The following FAP variants were observed in gnomAD, a reference collection of about 807,000 sequenced individuals.
FAP encodes fibroblast activation protein alpha.
FAP carries 110 observed loss-of-function variants against 126.5 expected under a neutral mutation model. The observed-to-expected ratio is 0.87, with a 90% CI of 0.74 to 1.02. The LOEUF (loss-of-function observed/expected upper bound fraction) is 1.02, where lower values mean the gene tolerates loss of function less well. Among genes scored for constraint, FAP ranks in the 50% least tolerant of loss-of-function variants. The pLI is 0.00. For missense variants in FAP, 919 were observed against 909.2 expected (o/e 1.01, Z -0.14); for synonymous variants, 334 against 297.3 (o/e 1.12, Z -1.27).
intron 16 of FAP, among the ~76,000 whole-genome samples, chr2:162,195,756 A>G (rs1688230469): frequency 6.6e-6 from 1 of 152,172 alleles, no homozygotes; most frequent in Non-Finnish European, 1.5e-5. Flanking sequence ...GAAATACAGG[A>G]TCAAATAATG....
chr2:162,189,700 T>A lies in FAP; in HGVS notation c.1505A>T (p.Gln502Leu), dbSNP rs547572967. 6.3e-7 allele frequency: 1 copy of A among 1,594,160 alleles called. No homozygotes were observed. The highest frequency in any genetic ancestry group is 8.6e-7 in the Non-Finnish European group (1 of 1,168,226). ...KELENALKNIQLPKEEIKKLE... is the reference protein window; with the variant it reads ...KELENALKNILLPKEEIKKLE... ...TTTCTTAATTTCCTCTTTAGGCAGC[T>A]GGATATTTTTCAAAGCATTTTCCAA... Residue 502 changes from glutamine (Q) to leucine (L), a missense_variant, in exon 18 of 26, where the codon CAG becomes CTG. Physicochemically the swap from Gln to Leu is moderately radical, Grantham distance 113. Transcript: ENST00000188790.
At chr2:162,198,980 A>T in intron 15 of FAP, 99 bp from the exon 16 acceptor site, 1 of 970,446 alleles carries the variant, frequency 1.0e-6, no homozygotes, top group East Asian at 2.5e-5. Context: ...TATTGACATC[A>T]AACCCACTCT....
chr2:162,220,636 G>A (rs1180605327), intron 6 of FAP, among the ~76,000 whole-genome samples: 1 of 152,180 alleles, frequency 6.6e-6, no homozygotes, highest in South Asian at 2.1e-4. Context: ...AGCTTGTAAA[G>A]TCCTCCACCC....
At chr2:162,227,458 G>A (rs1184860365) in intron 2 of FAP, among the ~76,000 whole-genome samples, 2 of 152,012 alleles carry the variant, frequency 1.3e-5, no homozygotes, top group African/African-American at 4.8e-5. Flanking sequence ...AGATAATAAG[G>A]CAACCAAAGC....
rs1446156842 is a variant in FAP, at chr2:162,224,500, C to T, written c.326G>A (p.Arg109Gln). Residue 109 changes from arginine to glutamine, a missense_variant, in exon 5 of 26, where the codon CGG becomes CAG. Transcript: ENST00000188790. ...ATCACTTTCTAGATATACAAATTGC[C>T]GATCAGGTGATAAGCCGTAATTTGA... ...NASNYGLSPDRQFVYLESDYS... is the reference protein window; with the variant it reads ...NASNYGLSPDQQFVYLESDYS... The T allele has an allele frequency of 3.1e-6, 5 of 1,599,466 alleles. No individual in the cohort carries two copies. Among genetic ancestry groups the T allele is most frequent in the East Asian group, 2.3e-5 (1 of 44,120 alleles).
intron 6 of FAP, among the ~76,000 whole-genome samples, chr2:162,221,354 A>AC (rs1223201040): frequency 1.3e-5 from 2 of 151,730 alleles, no homozygotes; most frequent in Non-Finnish European, 2.9e-5. Context: ...ATATGGAGAA[A>AC]CCCCGTCCCC....
chr2:162,199,157 T>C (rs1279768166), intron 15 of FAP, among the ~76,000 whole-genome samples: 2 of 152,108 alleles, frequency 1.3e-5, no homozygotes, highest in Non-Finnish European at 2.9e-5. Context: ...GGCAGTGAGG[T>C]AGTCACTTCC....
At chr2:162,183,494 G>A in intron 20 of FAP, 26 bp from the exon 21 acceptor site, 1 of 1,417,296 alleles carries the variant, frequency 7.1e-7, no homozygotes, top group Non-Finnish European at 1.0e-6. Flanking sequence ...CAAATTTTTA[G>A]AATGTTAAGT....
At chr2:162,200,238 T>C (rs1471645171) in intron 15 of FAP, among the ~76,000 whole-genome samples, 2 of 152,206 alleles carry the variant, frequency 1.3e-5, no homozygotes, top group African/African-American at 4.8e-5. Flanking sequence ...TGGTTCATAC[T>C]AGGTACTCAA....
chr2:162,199,836 T>C (rs1274601737), intron 15 of FAP, among the ~76,000 whole-genome samples: 1 of 152,282 alleles, frequency 6.6e-6, no homozygotes, highest in East Asian at 1.9e-4. Context: ...ATTTCTTATT[T>C]CCTCTGTTAG....
In FAP at chr2:162,172,865, G is replaced by C. The variant is rs772362774; in HGVS notation, c.2127C>G (p.Asn709Lys). Residue 709 changes from asparagine (N) to lysine (K), a missense_variant, in exon 25 of 26, where the codon AAC (asparagine) becomes AAG (lysine). Transcript: ENST00000188790. Reference protein sequence around the residue: ...GTADDNVHFQNSAQIAKALVN... With the variant: ...GTADDNVHFQKSAQIAKALVN... Reference sequence around the variant, plus strand: ...CCAGAGCTTTAGCAATCTGTGCTGAGTTTTGAAAGTGCACATTATCTGCAA... The same window carrying C: ...CCAGAGCTTTAGCAATCTGTGCTGACTTTTGAAAGTGCACATTATCTGCAA... 3.7e-6 allele frequency: 6 copies of C among 1,612,624 alleles called. No homozygotes were observed. Among genetic ancestry groups the C allele is most frequent in the Non-Finnish European group, 5.1e-6 (6 of 1,178,918 alleles).
At chr2:162,188,931 A>C (rs1687946354) in intron 19 of FAP, among the ~76,000 whole-genome samples, 172 bp downstream of exon 19, 1 of 152,106 alleles carries the variant, frequency 6.6e-6, no homozygotes. Flanking sequence ...AAACTTCCTC[A>C]ATCTATTTTA....
intron 11 of FAP, 107 bp from the exon 12 acceptor site, chr2:162,210,103 T>C: frequency 1.1e-6 from 1 of 873,170 alleles, no homozygotes. Context: ...GAGTATACCA[T>C]TACTAGTCAA....
At chr2:162,175,233 T>G (rs574073875) in intron 21 of FAP, 1 of 211,170 alleles carries the variant, frequency 4.7e-6, no homozygotes, top group South Asian at 1.8e-4. Flanking sequence ...GTTTAAGAGA[T>G]AGACAGAATT....
At chr2:162,235,111 C>T (rs989008426) in intron 2 of FAP, among the ~76,000 whole-genome samples, 1 of 151,998 alleles carries the variant, frequency 6.6e-6, no homozygotes, top group Admixed American at 6.5e-5. Flanking sequence ...GCCAACCATG[C>T]CTGAGTCTCT....
chr2:162,188,325 A>G lies in FAP; in HGVS notation c.1658T>C (p.Phe553Ser). The G allele has an allele frequency of 6.2e-7, 1 of 1,613,268 alleles. No homozygotes were observed. The highest frequency in any genetic ancestry group is 8.5e-7 in the Non-Finnish European group (1 of 1,179,468). ...AAGATAAGATATCCAATTAACAGCA[A>G]ATACAGACCTTACACTCTGACTGCA... ...GPCSQSVRSV[F>S]AVNWISYLAS... Residue 553 changes from phenylalanine (F) to serine (S), a missense_variant, in exon 20 of 26, where the codon TTT becomes TCT. Transcript: ENST00000188790.
At chr2:162,230,365 C>A (rs1479018627) in intron 2 of FAP, among the ~76,000 whole-genome samples, 1 of 151,804 alleles carries the variant, frequency 6.6e-6, no homozygotes, top group Non-Finnish European at 1.5e-5. Flanking sequence ...ATTTATTGAA[C>A]ATGAATTTTT....
At chr2:162,226,272 T>C (rs557030089) in intron 3 of FAP, among the ~76,000 whole-genome samples, 1 of 152,288 alleles carries the variant, frequency 6.6e-6, no homozygotes, top group Non-Finnish European at 1.5e-5. Context: ...GAAGTTCAAA[T>C]TATTTCAACA....
chr2:162,198,859 G>C lies in FAP; in HGVS notation c.1300C>G (p.Pro434Ala). 6.2e-7 allele frequency: 1 copy of C among 1,613,726 alleles called. No homozygotes were observed. Among genetic ancestry groups the C allele is most frequent in the South Asian group, 1.1e-5 (1 of 91,076 alleles). The change falls in exon 16 of 26, where the codon CCA becomes GCA. Residue 434 changes from proline (P) to alanine (A), a missense_variant. Pro to Ala is a conservative substitution (Grantham distance 27). Transcript: ENST00000188790. The part of the protein sequence containing the change: ...IYRISIGSYP[P>A]SKKCVTCHLR... ...TGGCAAGTAACACACTTCTTGCTTGGAGGATAGCTTCCAATGCTAATTCTA... is the reference window on the plus strand; with the variant it reads ...TGGCAAGTAACACACTTCTTGCTTGCAGGATAGCTTCCAATGCTAATTCTA...
Sources: gnomAD v4.1 joint callset for allele counts (sites outside exome capture counted in the v4.1 genomes callset) on GRCh38, gnomAD v4.1.1 for gene constraint, MANE v1.5 for transcripts, NCBI Gene and HGNC (gene_info 2026-07-23, HGNC 2026-07-21) for gene names.